Variants in COMMD10 observed in about 807,000 individuals in gnomAD.
The protein encoded by COMMD10 is COMM domain containing 10, also known as COMM domain-containing protein 10.
A neutral mutation model predicts 28.9 loss-of-function variants in COMMD10; 33 were observed. The observed-to-expected ratio is 1.14, with a 90% confidence interval of 0.87 to 1.53. COMMD10 has a LOEUF of 1.53. COMMD10 is among the 40% of genes most tolerant of loss of function. The pLI is 0.00. For missense variants in COMMD10, 310 were observed against 233.4 expected (o/e 1.33, Z -2.14); for synonymous variants, 110 against 81.7 (o/e 1.35, Z -1.87).
At chr5:116,151,981 C>G (rs1037973429) in intron 5 of COMMD10, among the ~76,000 whole-genome samples, 1 of 152,120 alleles carries the variant, frequency 6.6e-6, no homozygotes, top group African/African-American at 2.4e-5. Context: ...CCTGCTTTCT[C>G]TTGTGGGTAT....
chr5:116,102,493 G>A (rs1750697022), intron 4 of COMMD10, among the ~76,000 whole-genome samples: 2 of 152,126 alleles, frequency 1.3e-5, no homozygotes, highest in Admixed American at 1.3e-4. Flanking sequence ...AGAGTGTAAG[G>A]CCTCCAGGTT....
At chr5:116,183,451 T>C (rs1340049628) in intron 5 of COMMD10, among the ~76,000 whole-genome samples, 1 of 152,258 alleles carries the variant, frequency 6.6e-6, no homozygotes, top group East Asian at 1.9e-4. Context: ...GTTTTTATTT[T>C]AAACATATTT....
intron 5 of COMMD10, among the ~76,000 whole-genome samples, chr5:116,169,137 T>G (rs1010450021): frequency 1.3e-5 from 2 of 151,978 alleles, no homozygotes; most frequent in Admixed American, 6.5e-5. Context: ...AAGAATTAAA[T>G]AGACACAATA....
Position 116,179,828 on chromosome 5 carries a change from G to GGTA in COMMD10, c.510+45661_510+45663dup, listed in dbSNP as rs533437067. On this transcript the variant is annotated intron_variant, in intron 5 of 6. Coordinates refer to ENST00000274458, the MANE Select transcript of COMMD10 (RefSeq NM_016144.4). ...TTGAAGTAATATTGAGGCAGGAAAA[G>GGTA]GTAGTAGTAGTAGGAATGAAGTAGA... is the stretch of plus-strand genomic sequence containing the variant. Among the ~76,000 whole-genome samples the GGTA allele has an allele frequency of 1.3e-4, 20 of 152,042 alleles. No individual in the cohort carries two copies. The South Asian group carries it at 4.0e-3, about 30-fold the overall frequency.
intron 5 of COMMD10, among the ~76,000 whole-genome samples, chr5:116,192,511 G>C (rs1311914732): frequency 6.6e-6 from 1 of 152,072 alleles, no homozygotes; most frequent in Non-Finnish European, 1.5e-5. Flanking sequence ...CAAACTTATA[G>C]AAATGTGAAA....
intron 5 of COMMD10, among the ~76,000 whole-genome samples, chr5:116,287,812 A>G (rs67412230): frequency 0.093 from 14,063 of 151,692 alleles, 918 homozygotes; most frequent in African/African-American, 0.15. Flanking sequence ...ACTGATAACA[A>G]CCTAACTCTA....
chr5:116,228,948 G>A (rs1044256812), intron 5 of COMMD10, among the ~76,000 whole-genome samples: 1 of 151,928 alleles, frequency 6.6e-6, no homozygotes, highest in Non-Finnish European at 1.5e-5. Context: ...GCTCAGGATA[G>A]TATTAGGTAG....
At chr5:116,212,524 A>ATAGAATGTGAGGGGG (rs1748994459) in intron 5 of COMMD10, among the ~76,000 whole-genome samples, 1 of 3,168 alleles carries the variant, frequency 3.2e-4, no homozygotes, top group African/African-American at 5.4e-4. Context: ...GTGTGTGTGT[A>ATAGAATGTGAGGGGG]GAATGTGAGG....
At position 116,141,013 on chromosome 5, in the gene COMMD10, C is replaced by T. The variant is rs150167866; in HGVS notation, c.510+6835C>T. On this transcript the variant is annotated intron_variant, in intron 5 of 6. Transcript: ENST00000274458. ...ATTCAAAATATCAGACTAGGATGAA[C>T]ATCAAGGAGCTTTTTCTCTGTGCTT... Among the ~76,000 whole-genome samples the T allele has an allele frequency of 1.3e-4, 20 of 151,836 alleles. No individual in the cohort carries two copies. The East Asian group carries it at 2.7e-3, about 21-fold the overall frequency.
At chr5:116,085,309 C>G (rs1750056213) in intron 1 of COMMD10, 6 of 563,468 alleles carry the variant, frequency 1.1e-5, no homozygotes. Flanking sequence ...CTGTGGGGCT[C>G]ACAGTGCGCC....
At chr5:116,288,157 A>G (rs563059386) in intron 5 of COMMD10, among the ~76,000 whole-genome samples, 200 of 151,956 alleles carry the variant, frequency 1.3e-3, no homozygotes, top group Non-Finnish European at 2.1e-3. Context: ...TATCTGGGAA[A>G]ATGTTAATTT....
intron 5 of COMMD10, among the ~76,000 whole-genome samples, chr5:116,284,738 T>C (rs1751172770): frequency 6.6e-6 from 1 of 151,902 alleles, no homozygotes; most frequent in Admixed American, 6.6e-5. Flanking sequence ...GAATTTCATT[T>C]TATTTTCTCT....
chr5:116,276,273 A>G lies in COMMD10; in HGVS notation c.511-15244A>G, dbSNP rs144427262. ...CTTCTTTTTTTTCTTCTTTTTTGAG[A>G]TGGACTTCTGCTTTTGTCACCCAGG... On this transcript the variant is annotated intron_variant, in intron 5 of 6. Transcript: ENST00000274458. Among the ~76,000 whole-genome samples the G allele has an allele frequency of 1.8e-4, 28 of 151,596 alleles. 1 individual carries two copies. The East Asian group carries it at 3.5e-3, about 19-fold the overall frequency.
intron 5 of COMMD10, among the ~76,000 whole-genome samples, chr5:116,183,694 AT>A (rs551641284): frequency 5.5e-4 from 83 of 152,242 alleles, no homozygotes; most frequent in African/African-American, 1.9e-3. Context: ...CAGAGTAACC[AT>A]TTAATAAATA....
intron 5 of COMMD10, among the ~76,000 whole-genome samples, chr5:116,144,870 C>A (rs1244736873): frequency 6.6e-6 from 1 of 151,608 alleles, no homozygotes; most frequent in Non-Finnish European, 1.5e-5. Flanking sequence ...AATGGAGATA[C>A]TAGAGGAGGT....
At chr5:116,128,885 A>G (rs1181507300) in intron 4 of COMMD10, among the ~76,000 whole-genome samples, 2 of 151,732 alleles carry the variant, frequency 1.3e-5, no homozygotes, top group African/African-American at 4.9e-5. Context: ...AATACTGTGT[A>G]AGTGACGTTG....
chr5:116,126,427 T>C (rs1421370489), intron 4 of COMMD10, among the ~76,000 whole-genome samples: 2 of 152,056 alleles, frequency 1.3e-5, no homozygotes, highest in African/African-American at 4.8e-5. Context: ...AAAACTACTT[T>C]AAAGTTCATA....
At chr5:116,102,822 C>G (rs1750709776) in intron 4 of COMMD10, among the ~76,000 whole-genome samples, 1 of 152,098 alleles carries the variant, frequency 6.6e-6, no homozygotes, top group Non-Finnish European at 1.5e-5. Context: ...CACCAGCCCC[C>G]CACACCCTGA....
At chr5:116,251,302 A>AT (rs1345377195) in intron 5 of COMMD10, among the ~76,000 whole-genome samples, 1 of 118,788 alleles carries the variant, frequency 8.4e-6, no homozygotes, top group African/African-American at 2.8e-5. Context: ...TTATTTATTT[A>AT]TTATTATACT....
Sources: gnomAD v4.1 joint callset for allele counts (sites outside exome capture counted in the v4.1 genomes callset) on GRCh38, gnomAD v4.1.1 for gene constraint, MANE v1.5 for transcripts, NCBI Gene and HGNC (gene_info 2026-07-23, HGNC 2026-07-21) for gene names.